Variants in KCNT1 observed in about 807,000 individuals in gnomAD.
KCNT1 encodes the protein potassium channel subfamily T member 1.
KCNT1 carries 78 observed loss-of-function variants against 147.8 expected under a neutral mutation model. The observed-to-expected ratio is 0.53, with a 90% CI of 0.44 to 0.64. The LOEUF is 0.64. KCNT1 is among the 30% of genes least tolerant of loss of function. The pLI is 0.00. For missense variants in KCNT1, 1,419 were observed against 1,750.3 expected, an observed-to-expected ratio of 0.81 and a Z score of 3.38; for synonymous variants, 867 against 748.8, an observed-to-expected ratio of 1.16 and a Z score of -2.58.
Position 135,753,939 on chromosome 9 carries a change from G to A in KCNT1, c.437G>A (p.Trp146Ter). The change falls in exon 5 of 31, where the codon TGG becomes TAG. Residue 146 changes from tryptophan to a stop codon, truncating the protein, a stop_gained and splice_region_variant. Coordinates refer to ENST00000371757, the MANE Select transcript of KCNT1 (RefSeq NM_020822.3). LOFTEE classifies it high-confidence loss of function. ...GCCAGCGCTGTGTCTCTCCACAGCT[G>A]GGGCTGCCCAAAGCAGAACTACTCC... Reference protein sequence around the residue: ...LDDPALGIGCWGCPKQNYSFN... With the variant: ...LDDPALGIGC The A allele has an allele frequency of 1.9e-6, 3 of 1,614,090 alleles. No individual in the cohort carries two copies. The highest frequency in any genetic ancestry group is 2.5e-6 in the Non-Finnish European group (3 of 1,179,978).
chr9:135,714,588 CG>C lies in KCNT1; in HGVS notation c.127del (p.Asp43ThrfsTer12). ...DGQCAPRRPC[A>X]GDGALLDTAG... ...GCGTGTGCCCGCAGGCGGCCCTGCG[CG>C]GGGGACGGCGCGCTCCTGGACACCG... is the stretch of plus-strand genomic sequence containing the variant. On this transcript the variant is annotated frameshift_variant, in exon 2 of 31. Coordinates refer to ENST00000371757, the MANE Select transcript of KCNT1 (RefSeq NM_020822.3). LOFTEE classifies it high-confidence loss of function. The surrounding 1 kb of genome is among the most constrained non-coding windows in gnomAD (Gnocchi z 6.2). The C allele has an allele frequency of 4.4e-6, 6 of 1,375,184 alleles. No homozygotes were observed. The highest frequency in any genetic ancestry group is 1.4e-5 in the South Asian group (1 of 70,358). 85.2% of individuals were successfully genotyped at this position (1,375,184 alleles called of 1,614,324 possible). A position where few individuals can be genotyped will look rare whatever the true frequency, so the allele number is the denominator to read the frequency against.
chr9:135,705,235 C>T (rs752581139), intron 1 of KCNT1, among the ~76,000 whole-genome samples: 2 of 152,176 alleles, frequency 1.3e-5, no homozygotes, highest in Admixed American at 6.5e-5. Context: ...TCCTGCTTCC[C>T]CGGGATGCAA....
intron 1 of KCNT1, among the ~76,000 whole-genome samples, chr9:135,708,200 A>G (rs1835333418): frequency 6.6e-6 from 1 of 152,222 alleles, no homozygotes; most frequent in Admixed American, 6.5e-5. Flanking sequence ...ACATACAGGC[A>G]CATGCACACA....
At chr9:135,787,537 G>A (rs897277160) in intron 29 of KCNT1, among the ~76,000 whole-genome samples, 2 of 152,172 alleles carry the variant, frequency 1.3e-5, no homozygotes, top group African/African-American at 2.4e-5. Flanking sequence ...CACCTGGGTC[G>A]GGGTCTTGAG....
chr9:135,782,061 ATT>A (rs1833648659), intron 24 of KCNT1, among the ~76,000 whole-genome samples: 3 of 152,162 alleles, frequency 2.0e-5, no homozygotes, highest in Non-Finnish European at 4.4e-5. Flanking sequence ...AGACACAAAA[ATT>A]AGCCGGGCGT....
intron 19 of KCNT1, 58 bp downstream of exon 19, chr9:135,773,007 G>A: frequency 8.1e-7 from 1 of 1,230,074 alleles, no homozygotes; most frequent in Non-Finnish European, 1.1e-6. Flanking sequence ...ATGAGTGCGG[G>A]GGATGGGTGT....
chr9:135,746,814 G>A (rs769331783), intron 2 of KCNT1, among the ~76,000 whole-genome samples: 2 of 152,132 alleles, frequency 1.3e-5, no homozygotes, highest in Non-Finnish European at 2.9e-5. Context: ...CCGCCTAGGA[G>A]GAGTGGCCAG....
intron 1 of KCNT1, among the ~76,000 whole-genome samples, chr9:135,712,232 C>G (rs943788540): frequency 6.6e-6 from 1 of 152,178 alleles, no homozygotes; most frequent in Non-Finnish European, 1.5e-5. Context: ...ACAGGTTGAG[C>G]TCCACACCTT....
At chr9:135,740,470 C>T (rs954270348) in intron 2 of KCNT1, among the ~76,000 whole-genome samples, 7 of 152,212 alleles carry the variant, frequency 4.6e-5, no homozygotes, top group Admixed American at 4.6e-4. Flanking sequence ...CCAGAGGGTC[C>T]CTCCCTCTCG....
At chr9:135,783,905 G>A in intron 24 of KCNT1, 119 bp from the exon 25 acceptor site, 1 of 730,532 alleles carries the variant, frequency 1.4e-6, no homozygotes, top group Non-Finnish European at 2.4e-6. Context: ...ATGCACAAAT[G>A]TGCACACAGG....
intron 2 of KCNT1, among the ~76,000 whole-genome samples, chr9:135,724,868 A>G (rs1380285604): frequency 1.3e-5 from 2 of 152,222 alleles, no homozygotes; most frequent in African/African-American, 4.8e-5. Context: ...CTGCAGGCAC[A>G]GATGGGCCCC....
rs761239589 is a variant in KCNT1, at chr9:135,785,409, CCCCACCCACCCA to C, written c.3177+89_3177+100del. On this transcript the variant is annotated intron_variant, in intron 28 of 30. Transcript: ENST00000371757. ...GCTTCACATGGAGAAGCCTGCCAGG[CCCCACCCACCCA>C]CCCACCCACAGGGCCCTGGGAAAGC... 193 of 1,437,454 alleles carry C rather than the reference CCCCACCCACCCA, an allele frequency of 1.3e-4. 6 individuals are homozygous for C. Among genetic ancestry groups the C allele is most frequent in the African/African-American group, 2.6e-4 (18 of 68,364 alleles). 89.0% of individuals were successfully genotyped at this position (1,437,454 alleles called of 1,614,324 possible).
At chr9:135,731,576 C>T (rs1053048176) in intron 2 of KCNT1, among the ~76,000 whole-genome samples, 19 of 152,242 alleles carry the variant, frequency 1.2e-4, no homozygotes, top group Middle Eastern at 3.4e-3. Flanking sequence ...CCAACAAGGG[C>T]GTGTGCATTT....
chr9:135,736,726 G>C, intron 2 of KCNT1: 1 of 371,574 alleles, frequency 2.7e-6, no homozygotes, highest in Non-Finnish European at 4.8e-6. Context: ...GGAGCCTCAC[G>C]GGCTCAGCCC....
intron 24 of KCNT1, among the ~76,000 whole-genome samples, chr9:135,783,291 C>T (rs1038583787): frequency 3.9e-5 from 6 of 152,134 alleles, no homozygotes; most frequent in East Asian, 1.9e-4. Flanking sequence ...GGTCCCCATC[C>T]GGTGGGAAGA....
chr9:135,711,794 G>C (rs1835502604), intron 1 of KCNT1, among the ~76,000 whole-genome samples: 1 of 152,216 alleles, frequency 6.6e-6, no homozygotes, highest in South Asian at 2.1e-4. Context: ...CTGGGCGCCG[G>C]CCACCCTGGG....
chr9:135,784,217 A>G, intron 25 of KCNT1, 92 bp downstream of exon 25: 9 of 1,010,020 alleles, frequency 8.9e-6, no homozygotes, highest in Non-Finnish European at 1.4e-5. Context: ...TCTGAATGAT[A>G]GGACTCCCTC....
chr9:135,767,554 G>A (rs11103177), intron 13 of KCNT1, among the ~76,000 whole-genome samples: 34,861 of 151,620 alleles, frequency 0.23, 4,149 homozygotes, highest in Middle Eastern at 0.34. Context: ...TCTGCCCCCA[G>A]ATTCCCCCCT....
At chr9:135,787,961 G>T (rs1834199180) in intron 29 of KCNT1, 1 of 694,824 alleles carries the variant, frequency 1.4e-6, no homozygotes. Flanking sequence ...TGCCTTTCTG[G>T]TGACCGACTC....
Sources: allele counts gnomAD v4.1 joint callset (sites outside exome capture counted in the v4.1 genomes callset), GRCh38; gene constraint gnomAD v4.1.1; non-coding constraint Gnocchi (gnomAD v3.1); transcripts MANE v1.5; gene names NCBI Gene and HGNC (gene_info 2026-07-23, HGNC 2026-07-21).